SEC24A: variants seen among roughly 807,000 people sequenced by gnomAD.
SEC24A encodes the protein protein transport protein Sec24A.
A neutral mutation model predicts 129.4 loss-of-function variants in SEC24A; 93 were observed. That is an observed-to-expected ratio of 0.72 (90% CI 0.61 to 0.85). SEC24A has a LOEUF of 0.85. Ranked by LOEUF, SEC24A falls within the 40% of genes least tolerant of loss-of-function variation. The pLI is 0.00. For synonymous variants in SEC24A, 460 were observed against 467.3 expected, an observed-to-expected ratio of 0.98 and a Z score of 0.20; for missense variants, 1,264 against 1,307.4, an observed-to-expected ratio of 0.97 and a Z score of 0.51.
At chr5:134,692,569 T>G (rs1751693822) in intron 11 of SEC24A, 33 bp from the exon 12 acceptor site, 1 of 1,066,532 alleles carries the variant, frequency 9.4e-7, no homozygotes, top group Non-Finnish European at 1.4e-6. Flanking sequence ...TTATTACATT[T>G]TGTTTAAAAT....
Position 134,662,303 on chromosome 5 carries a change from C to T in SEC24A, c.565+717C>T, listed in dbSNP as rs190363094. 4.0e-3 allele frequency among the ~76,000 whole-genome samples: 611 copies of T among 151,932 alleles called. 5 individuals carry two copies. Among genetic ancestry groups the T allele is most frequent in the African/African-American group, 0.014 (593 of 41,462 alleles). ...CCGAGTAGCTGGGACTACAGGTGCC[C>T]GCCACCACGCCCGGCTAATTTTTTG... is the stretch of plus-strand genomic sequence containing the variant. On this transcript the variant is annotated intron_variant, in intron 2 of 22. Transcript: ENST00000398844.
intron 3 of SEC24A, among the ~76,000 whole-genome samples, chr5:134,667,450 AC>A (rs1477448503): frequency 6.6e-6 from 1 of 151,868 alleles, no homozygotes; most frequent in Non-Finnish European, 1.5e-5. Context: ...GGAGATCGAG[AC>A]CATCCTGGCT....
chr5:134,649,768 A>G (rs1237948919), intron 1 of SEC24A, among the ~76,000 whole-genome samples: 1 of 152,212 alleles, frequency 6.6e-6, no homozygotes, highest in Non-Finnish European at 1.5e-5. Flanking sequence ...AGCATTTGGA[A>G]AGTGGGTGGA....
chr5:134,692,463 A>G, intron 11 of SEC24A, 139 bp from the exon 12 acceptor site: 4 of 529,072 alleles, frequency 7.6e-6, no homozygotes. Context: ...TTCTTTGGAC[A>G]CATGTAAACA....
At chr5:134,658,266 G>A (rs762966759) in intron 1 of SEC24A, among the ~76,000 whole-genome samples, 34 of 152,006 alleles carry the variant, frequency 2.2e-4, no homozygotes, top group Non-Finnish European at 3.8e-4. Flanking sequence ...GCGAGACTCT[G>A]TCTCAAAAAA....
intron 18 of SEC24A, among the ~76,000 whole-genome samples, chr5:134,709,904 C>G (rs1752270268): frequency 6.6e-6 from 1 of 151,834 alleles, no homozygotes; most frequent in Admixed American, 6.6e-5. Flanking sequence ...CATTACACTT[C>G]TCTTTTCTTT....
intron 18 of SEC24A, among the ~76,000 whole-genome samples, chr5:134,713,718 A>G (rs1752395879): frequency 6.6e-6 from 1 of 152,008 alleles, no homozygotes; most frequent in South Asian, 2.1e-4. Flanking sequence ...CCTTTCCATC[A>G]ATTGGAATAC....
rs1048385299 is a variant in SEC24A at position 134,708,740 on chromosome 5, T to G, written c.2579T>G (p.Leu860Arg). The G allele has an allele frequency of 6.2e-7, 1 of 1,613,912 alleles. No homozygotes were observed. Among genetic ancestry groups the G allele is most frequent in the Non-Finnish European group, 8.5e-7 (1 of 1,179,946 alleles). The change falls in exon 18 of 23, where the codon CTG becomes CGG. Residue 860 changes from leucine to arginine, a missense_variant. Transcript: ENST00000398844. ...MAVDRSMTASLSDARDALVNA... is the reference protein window; with the variant it reads ...MAVDRSMTASRSDARDALVNA... ...GTTGACAGATCTATGACTGCCAGTC[T>G]GAGTGACGCTCGGGATGCTCTAGTG...
intron 22 of SEC24A, 143 bp from the exon 23 acceptor site, chr5:134,724,837 A>T (rs893839344): frequency 3.4e-6 from 2 of 592,748 alleles, no homozygotes; most frequent in Non-Finnish European, 3.0e-6. Flanking sequence ...TTACATAATC[A>T]ACCAAGTATT....
At chr5:134,689,120 T>G (rs1166277559) in intron 11 of SEC24A, among the ~76,000 whole-genome samples, 1 of 152,142 alleles carries the variant, frequency 6.6e-6, no homozygotes, top group East Asian at 1.9e-4. Flanking sequence ...GAAAATTAAC[T>G]TGAAATGGAC....
chr5:134,670,840 T>C (rs1002056103), intron 3 of SEC24A, among the ~76,000 whole-genome samples: 5 of 151,780 alleles, frequency 3.3e-5, no homozygotes, highest in African/African-American at 9.7e-5. Flanking sequence ...TACAAAAACA[T>C]TAGCCAGGCG....
intron 9 of SEC24A, 133 bp downstream of exon 9, chr5:134,682,615 G>A: frequency 4.0e-6 from 2 of 505,034 alleles, no homozygotes; most frequent in Non-Finnish European, 7.1e-6. Flanking sequence ...TGCCCATGCT[G>A]GAGTGCAGTG....
At chr5:134,684,302 C>CAA (rs577777007) in intron 9 of SEC24A, among the ~76,000 whole-genome samples, 49 of 90,774 alleles carry the variant, frequency 5.4e-4, no homozygotes, top group African/African-American at 1.5e-3. Context: ...AACTCCATCT[C>CAA]AAAAAAAAAA....
chr5:134,683,031 T>G (rs1036588759), intron 9 of SEC24A, among the ~76,000 whole-genome samples: 15 of 150,780 alleles, frequency 9.9e-5, no homozygotes, highest in African/African-American at 3.6e-4. Context: ...CGTATTTACT[T>G]TTTTTTTTTG....
At chr5:134,705,090 A>ATATATATATATTT (rs1180461537) in intron 16 of SEC24A, among the ~76,000 whole-genome samples, 22 of 123,298 alleles carry the variant, frequency 1.8e-4, no homozygotes, top group African/African-American at 6.3e-4. Context: ...ATATATATAT[A>ATATATATATATTT]TTTTTTTTTT....
Position 134,697,258 on chromosome 5 carries a change from G to A in SEC24A, c.2107+12G>A, listed in dbSNP as rs773760135. 42 of 1,581,986 alleles carry A rather than the reference G, an allele frequency of 2.7e-5. No homozygotes were observed. Among genetic ancestry groups the A allele is most frequent in the South Asian group, 2.1e-4 (18 of 86,474 alleles). On this transcript the variant is annotated intron_variant, in intron 14 of 22. Coordinates refer to ENST00000398844, the MANE Select transcript of SEC24A (RefSeq NM_021982.3). ...TTTGGCTTCTCTGGGTAAGTTCTTC[G>A]TAATGATTTTTTTTTTCCGTTAAAT...
At chr5:134,718,830 C>T (rs557964725) in intron 20 of SEC24A, among the ~76,000 whole-genome samples, 6 of 151,710 alleles carry the variant, frequency 4.0e-5, no homozygotes, top group African/African-American at 4.8e-5. Context: ...ATTAACCGAG[C>T]GTGGTGGGGC....
chr5:134,715,136 A>G lies in SEC24A; in HGVS notation c.2840A>G (p.Tyr947Cys), dbSNP rs201934042. Residue 947 changes from tyrosine to cysteine, a missense_variant, in exon 19 of 23, where the codon TAT becomes TGT. Tyr to Cys is a radical substitution (Grantham distance 194, BLOSUM62 -2). Coordinates refer to ENST00000398844, the MANE Select transcript of SEC24A (RefSeq NM_021982.3). ...ATGCTCACAACTCATCCCAGTTTGT[A>G]TAGAGTTGACAATCTCTCAGATGAG... is the stretch of plus-strand genomic sequence containing the variant. ...YLMLTTHPSL[Y>C]RVDNLSDEGA... The G allele has an allele frequency of 1.4e-5, 22 of 1,608,730 alleles. No individual in the cohort carries two copies. Among genetic ancestry groups the G allele is most frequent in the Non-Finnish European group, 1.7e-5 (20 of 1,178,820 alleles).
At chr5:134,668,750 G>A (rs1417814533) in intron 3 of SEC24A, among the ~76,000 whole-genome samples, 1 of 150,764 alleles carries the variant, frequency 6.6e-6, no homozygotes, top group Non-Finnish European at 1.5e-5. Flanking sequence ...AAACCAATTA[G>A]CCAGGAGTGG....
Sources: allele counts gnomAD v4.1 joint callset (sites outside exome capture counted in the v4.1 genomes callset), GRCh38; gene constraint gnomAD v4.1.1; transcripts MANE v1.5; gene names NCBI Gene and HGNC (gene_info 2026-07-23, HGNC 2026-07-21).